The following PAM variants were observed in gnomAD, a reference collection of about 807,000 sequenced individuals.
The protein encoded by PAM is peptidyl-glycine alpha-amidating monooxygenase.
Under a neutral mutation model 122.1 loss-of-function variants are expected in PAM, and 72 were observed. That is an observed-to-expected ratio of 0.59 (90% CI 0.49 to 0.72). The LOEUF is 0.72. Ranked by LOEUF, PAM falls within the 30% of genes least tolerant of loss-of-function variation. PAM has a pLI of 0.00. For synonymous variants in PAM, 389 were observed against 404.4 expected (o/e 0.96, Z 0.46); for missense variants, 1,106 against 1,183.7 (o/e 0.93, Z 0.96).
chr5:102,815,174 C>T (rs921098186), intron 1 of PAM, among the ~76,000 whole-genome samples: 1 of 152,004 alleles, frequency 6.6e-6, no homozygotes, highest in Non-Finnish European at 1.5e-5. Context: ...CTACAGTTAA[C>T]AGTATTTCCT....
intron 15 of PAM, among the ~76,000 whole-genome samples, chr5:102,983,455 A>G (rs1483127224): frequency 6.6e-6 from 1 of 151,972 alleles, no homozygotes; most frequent in African/African-American, 2.4e-5. Context: ...CCAAAAAAAA[A>G]AAAAAAATCC....
chr5:102,903,416 A>G (rs1798574776), intron 4 of PAM, among the ~76,000 whole-genome samples: 1 of 151,610 alleles, frequency 6.6e-6, no homozygotes. Flanking sequence ...ATATAAAAGA[A>G]TAAGTAAAGG....
chr5:102,957,376 G>T (rs1368949083), intron 12 of PAM, among the ~76,000 whole-genome samples: 1 of 152,072 alleles, frequency 6.6e-6, no homozygotes, highest in East Asian at 1.9e-4. Context: ...TTAGGGAATA[G>T]AACCTACTGT....
chr5:102,882,181 A>T (rs946804030), intron 3 of PAM, among the ~76,000 whole-genome samples: 5 of 141,930 alleles, frequency 3.5e-5, no homozygotes, highest in African/African-American at 1.3e-4. Context: ...TGCAATTGCG[A>T]AGTGTTCAAG....
intron 5 of PAM, among the ~76,000 whole-genome samples, chr5:102,922,503 T>TA (rs1359743429): frequency 2.6e-5 from 4 of 152,212 alleles, no homozygotes; most frequent in Non-Finnish European, 5.9e-5. Flanking sequence ...TGAAAGGTCT[T>TA]ACGTGTTATG....
At chr5:102,793,441 G>T (rs1046808538) in intron 1 of PAM, among the ~76,000 whole-genome samples, 4 of 152,158 alleles carry the variant, frequency 2.6e-5, no homozygotes, top group African/African-American at 9.7e-5. Context: ...TGACGTGGGA[G>T]GATTGCTTGA....
chr5:102,831,005 C>A (rs1775282566), intron 1 of PAM, among the ~76,000 whole-genome samples: 1 of 152,144 alleles, frequency 6.6e-6, no homozygotes, highest in African/African-American at 2.4e-5. Flanking sequence ...TAGTTACTAA[C>A]CCAAAGACAG....
intron 1 of PAM, among the ~76,000 whole-genome samples, chr5:102,796,285 G>A (rs1481776379): frequency 6.6e-6 from 1 of 152,152 alleles, no homozygotes; most frequent in Admixed American, 6.5e-5. Context: ...TAGGAACCAG[G>A]TTTGTCGGTC....
In PAM at chr5:103,017,408, C is replaced by A; in HGVS notation, c.2406C>A (p.Thr802=). Residue 802 remains threonine (T), a synonymous_variant, in exon 22 of 26, where the codon ACC becomes ACA. Coordinates refer to ENST00000438793, the MANE Select transcript of PAM (RefSeq NM_001177306.2). Reference sequence around the variant, plus strand: ...ACATTGGAGATGCTCATACCAACACCGTGTGGAAGTTCACCTTGACTGAGA... The same window carrying A: ...ACATTGGAGATGCTCATACCAACACAGTGTGGAAGTTCACCTTGACTGAGA... The part of the protein sequence containing the change: ...TVYIGDAHTN[T]VWKFTLTEKL... The A allele has an allele frequency of 6.2e-7, 1 of 1,604,720 alleles. No homozygotes were observed.
intron 1 of PAM, among the ~76,000 whole-genome samples, chr5:102,765,439 C>A (rs1034502408): frequency 3.2e-4 from 49 of 152,200 alleles, no homozygotes; most frequent in African/African-American, 1.0e-3. Flanking sequence ...TAGTCCATAT[C>A]CTCATCTAAA....
chr5:102,921,873 T>C (rs1747557691), intron 5 of PAM, among the ~76,000 whole-genome samples: 1 of 152,202 alleles, frequency 6.6e-6, no homozygotes, highest in African/African-American at 2.4e-5. Context: ...AGTCATGGTT[T>C]AGCTGTTTGA....
intron 16 of PAM, among the ~76,000 whole-genome samples, chr5:102,990,828 A>G (rs749566677): frequency 5.3e-5 from 8 of 152,220 alleles, no homozygotes; most frequent in Non-Finnish European, 1.0e-4. Flanking sequence ...TCCTGGGTGC[A>G]GAACTATGCC....
intron 1 of PAM, among the ~76,000 whole-genome samples, chr5:102,759,961 A>C (rs997737525): frequency 6.6e-6 from 1 of 152,152 alleles, no homozygotes; most frequent in African/African-American, 2.4e-5. Context: ...GGCTAAAAGC[A>C]AGGTATTCAA....
intron 15 of PAM, among the ~76,000 whole-genome samples, chr5:102,986,679 C>T (rs1261764581): frequency 2.0e-5 from 3 of 152,116 alleles, no homozygotes; most frequent in Admixed American, 2.0e-4. Flanking sequence ...GTGTACCCAC[C>T]CAAATCTCAT....
intron 1 of PAM, among the ~76,000 whole-genome samples, chr5:102,849,505 C>A (rs987710354): frequency 9.4e-5 from 14 of 149,576 alleles, no homozygotes; most frequent in African/African-American, 3.5e-4. Flanking sequence ...TTGCAGTGAG[C>A]CGAGATCGCG....
Position 103,011,945 on chromosome 5 carries a change from A to G in PAM, c.2331+2079A>G, listed in dbSNP as rs76094843. ...TTTGTTATCACCTGACTTTTGGATG[A>G]AAGTCATTTTAACTGGTGTTAGATG... is the stretch of plus-strand genomic sequence containing the variant. On this transcript the variant is annotated intron_variant, in intron 21 of 25. Transcript: ENST00000438793. 8.0e-3 allele frequency among the ~76,000 whole-genome samples: 1,211 copies of G among 152,302 alleles called. 10 individuals carry two copies. The highest frequency in any genetic ancestry group is 0.012 in the Non-Finnish European group (843 of 68,022).
At position 102,863,182 on chromosome 5, in the gene PAM, A is replaced by G. The variant is rs1006624961; in HGVS notation, c.-373-2641A>G. On this transcript the variant is annotated intron_variant, in intron 1 of 25. Transcript: ENST00000438793. ...AAGATTTTATGGATATGTAAACAGA[A>G]CATTTGCTTTGTATTACAAATAAAA... Among the ~76,000 whole-genome samples the G allele has an allele frequency of 4.6e-5, 7 of 152,150 alleles. 1 individual carries two copies. The highest frequency in any genetic ancestry group is 1.7e-4 in the African/African-American group (7 of 41,404).
At chr5:102,868,399 A>T (rs1241979470) in intron 3 of PAM, among the ~76,000 whole-genome samples, 2 of 152,178 alleles carry the variant, frequency 1.3e-5, no homozygotes, top group Non-Finnish European at 2.9e-5. Context: ...GCATTCATTT[A>T]TTTGAAGACC....
At chr5:102,775,915 A>G (rs958270554) in intron 1 of PAM, among the ~76,000 whole-genome samples, 56 of 152,066 alleles carry the variant, frequency 3.7e-4, no homozygotes, top group African/African-American at 1.3e-3. Context: ...GGAATTGCCA[A>G]ACTGTCTTCC....
Sources: gnomAD v4.1 joint callset for allele counts (sites outside exome capture counted in the v4.1 genomes callset) on GRCh38, gnomAD v4.1.1 for gene constraint, MANE v1.5 for transcripts, NCBI Gene and HGNC (gene_info 2026-07-23, HGNC 2026-07-21) for gene names.